HADHA: variants seen among roughly 807,000 people sequenced by gnomAD.
The protein encoded by HADHA is hydroxyacyl-CoA dehydrogenase trifunctional multienzyme complex subunit alpha.
In HADHA, 59 loss-of-function variants were observed where a neutral mutation model predicts 91.3. The observed-to-expected ratio is 0.65, with a 90% CI of 0.52 to 0.80. The LOEUF is 0.80. Ranked by LOEUF, HADHA falls within the 30% of genes least tolerant of loss-of-function variation. HADHA has a pLI of 0.00. For synonymous variants in HADHA, 320 were observed against 338.9 expected, an observed-to-expected ratio of 0.94 and a Z score of 0.61; for missense variants, 800 against 927.6, an observed-to-expected ratio of 0.86 and a Z score of 1.79.
At chr2:26,203,929 A>G (rs1669914063) in intron 12 of HADHA, 133 bp downstream of exon 12, 2 of 896,458 alleles carry the variant, frequency 2.2e-6, no homozygotes, top group Non-Finnish European at 3.7e-6. Context: ...TCTAGAACTC[A>G]TTATGTTCAG....
chr2:26,193,377 C>G (rs981258738), intron 17 of HADHA, among the ~76,000 whole-genome samples, 200 bp downstream of exon 17: 2 of 151,414 alleles, frequency 1.3e-5, no homozygotes, highest in Admixed American at 6.6e-5. Context: ...GATCCTCCCA[C>G]CTCAGCCTCC....
intron 14 of HADHA, among the ~76,000 whole-genome samples, chr2:26,197,276 A>G (rs1422192142): frequency 6.6e-6 from 1 of 152,174 alleles, no homozygotes; most frequent in South Asian, 2.1e-4. Context: ...AGAAGGTGTA[A>G]GCAAACCCAC....
intron 10 of HADHA, among the ~76,000 whole-genome samples, chr2:26,211,342 T>C (rs1670095757): frequency 6.6e-6 from 1 of 152,174 alleles, no homozygotes; most frequent in Non-Finnish European, 1.5e-5. Context: ...TTCAGATTTT[T>C]TTTTTTGTCC....
At chr2:26,193,552 G>T (rs766984282) in intron 17 of HADHA, 25 bp downstream of exon 17, 3 of 1,574,544 alleles carry the variant, frequency 1.9e-6, no homozygotes, top group Non-Finnish European at 2.6e-6. Context: ...AATGGTGCTA[G>T]TTATGTTTCC....
At position 26,190,842 on chromosome 2, in the gene HADHA, G is replaced by A; in HGVS notation, c.*408C>T. 3.5e-6 allele frequency: 1 copy of A among 285,098 alleles called. No homozygotes were observed. The highest frequency in any genetic ancestry group is 4.1e-5 in the South Asian group (1 of 24,614). 17.7% of individuals were successfully genotyped at this position (285,098 alleles called of 1,614,324 possible). ...CTTTCTTCCAGATTGCTTTTTGAAG[G>A]AGGCGTTTAAACCAGAAGGGCAAAG... On this transcript the variant is annotated 3_prime_UTR_variant, in exon 20 of 20. Coordinates refer to ENST00000380649, the MANE Select transcript of HADHA (RefSeq NM_000182.5).
chr2:26,241,977 C>T (rs962229631), intron 1 of HADHA, among the ~76,000 whole-genome samples: 13 of 151,858 alleles, frequency 8.6e-5, no homozygotes, highest in Non-Finnish European at 1.9e-4. Flanking sequence ...TCTTGGCTCA[C>T]TGCAACCTCC....
chr2:26,191,379 C>T lies in HADHA; in HGVS notation c.2163G>A (p.Val721=). ...CTATCTTCTGGGCGCCATACAGATC[C>T]ACAAAGCGGAAAGGCCCTGAATAGA... is the stretch of plus-strand genomic sequence containing the variant. ...PPCLGGPFRF[V]DLYGAQKIVD... is the part of the protein sequence containing the mutation. Residue 721 remains valine, a synonymous_variant, in exon 20 of 20, where the codon GTG becomes GTA. Coordinates refer to ENST00000380649, the MANE Select transcript of HADHA (RefSeq NM_000182.5). 5 of 1,614,176 alleles carry T rather than the reference C, an allele frequency of 3.1e-6. No homozygotes were observed. The highest frequency in any genetic ancestry group is 4.2e-6 in the Non-Finnish European group (5 of 1,180,032).
At chr2:26,217,993 G>A (rs1670280405) in intron 7 of HADHA, among the ~76,000 whole-genome samples, 1 of 152,234 alleles carries the variant, frequency 6.6e-6, no homozygotes, top group Non-Finnish European at 1.5e-5. Context: ...ACACAATGGA[G>A]ACATTTATAA....
chr2:26,218,762 C>T lies in HADHA; in HGVS notation c.677-3587G>A, dbSNP rs141099873. Among the ~76,000 whole-genome samples the T allele has an allele frequency of 9.7e-4, 147 of 152,078 alleles. 1 individual carries two copies. The highest frequency in any genetic ancestry group is 3.4e-3 in the African/African-American group (142 of 41,518). ...GGTGGCTCACACCTGTAATCCAGCA[C>T]TTTGGGAGGCCAAGGCAGGCAGATC... On this transcript the variant is annotated intron_variant, in intron 7 of 19. Coordinates refer to ENST00000380649, the MANE Select transcript of HADHA (RefSeq NM_000182.5).
chr2:26,194,292 G>A (rs1324058842), intron 16 of HADHA, among the ~76,000 whole-genome samples: 1 of 152,172 alleles, frequency 6.6e-6, no homozygotes, highest in Non-Finnish European at 1.5e-5. Context: ...CCTCAGAGAG[G>A]TGCAGAAACA....
At chr2:26,205,430 T>C (rs1669947614) in intron 11 of HADHA, among the ~76,000 whole-genome samples, 1 of 151,926 alleles carries the variant, frequency 6.6e-6, no homozygotes, top group Non-Finnish European at 1.5e-5. Context: ...ATATGGTGAG[T>C]GATAAGTAAT....
chr2:26,203,916 G>C, intron 12 of HADHA, 146 bp downstream of exon 12: 1 of 798,020 alleles, frequency 1.3e-6, no homozygotes, highest in Non-Finnish European at 2.1e-6. Flanking sequence ...TCACTACGGA[G>C]TATCTAGAAC....
At position 26,210,415 on chromosome 2, in the gene HADHA, G is replaced by A. The variant is rs559665197; in HGVS notation, c.976-526C>T. On this transcript the variant is annotated intron_variant, in intron 10 of 19. Coordinates refer to ENST00000380649, the MANE Select transcript of HADHA (RefSeq NM_000182.5). The surrounding 1 kb of genome is among the most constrained non-coding windows in gnomAD (Gnocchi z 4.0). Reference sequence around the variant, plus strand: ...GGCTGGAGTGCAGTGGCACGATCTCGGCTCACTGCAAGCTCCGCCTCCCAG... The same window carrying A: ...GGCTGGAGTGCAGTGGCACGATCTCAGCTCACTGCAAGCTCCGCCTCCCAG... 3.1e-5 allele frequency: 5 copies of A among 162,906 alleles called. No homozygotes were observed. In the East Asian group the frequency reaches 7.1e-4, roughly 23 times the overall value. 10.1% of individuals were successfully genotyped at this position (162,906 alleles called of 1,614,324 possible).
rs921898736 is a variant in HADHA at position 26,193,707 on chromosome 2, G to A, written c.1755C>T (p.Ala585=). The change falls in exon 17 of 20, where the codon GCC becomes GCT. Residue 585 remains alanine (A), a synonymous_variant. Coordinates refer to ENST00000380649, the MANE Select transcript of HADHA (RefSeq NM_000182.5). ...CCACACCAACTTCATCCACCAGTGTGGCGGCACCCACAGGAAAGCCAAAGC... is the reference window on the plus strand; with the variant it reads ...CCACACCAACTTCATCCACCAGTGTAGCGGCACCCACAGGAAAGCCAAAGC... ...TTSFGFPVGA[A]TLVDEVGVDV... The A allele has an allele frequency of 2.5e-6, 4 of 1,613,952 alleles. No homozygotes were observed. Among genetic ancestry groups the A allele is most frequent in the Non-Finnish European group, 3.4e-6 (4 of 1,179,954 alleles).
Position 26,193,737 on chromosome 2 carries a change from G to C in HADHA, c.1725C>G (p.Thr575=), listed in dbSNP as rs1669580370. 6.2e-7 allele frequency: 1 copy of C among 1,614,006 alleles called. No individual in the cohort carries two copies. The highest frequency in any genetic ancestry group is 8.5e-7 in the Non-Finnish European group (1 of 1,180,014). Residue 575 remains threonine, a synonymous_variant, in exon 17 of 20, where the codon ACC becomes ACG. Coordinates refer to ENST00000380649, the MANE Select transcript of HADHA (RefSeq NM_000182.5). ...CACCCACAGGAAAGCCAAAGCTTGT[G>C]GTCAGGGAATCCAGCTTCTTCGGGT... ...GVDPKKLDSL[T]TSFGFPVGAA...
Position 26,236,853 on chromosome 2 carries a change from A to C in HADHA, c.314+2T>G, listed in dbSNP as rs934411514. On this transcript the variant is annotated splice_donor_variant, in intron 4 of 19. Coordinates refer to ENST00000380649, the MANE Select transcript of HADHA (RefSeq NM_000182.5). LOFTEE classifies it high-confidence loss of function. ...GGTGACTTCAAGTTTCCTAAAACTT[A>C]CTTGATATCAGCACCTGCAATAAAG... 4 of 1,609,916 alleles carry C rather than the reference A, an allele frequency of 2.5e-6. No homozygotes were observed. Among genetic ancestry groups the C allele is most frequent in the Non-Finnish European group, 2.5e-6 (3 of 1,177,548 alleles).
At chr2:26,217,126 T>C (rs7579504) in intron 7 of HADHA, among the ~76,000 whole-genome samples, 124,967 of 151,868 alleles carry the variant, frequency 0.82, 51,742 homozygotes, top group African/African-American at 0.93. Flanking sequence ...GAGACTGAGG[T>C]GAGAGGATCA....
rs200438844 is a variant in HADHA at position 26,191,522 on chromosome 2, C to T, written c.2107G>A (p.Gly703Arg). The change falls in exon 19 of 20, where the codon GGA becomes AGA. Residue 703 changes from glycine (G) to arginine (R), a missense_variant. By Grantham distance (125) the Gly-to-Arg change is moderately radical (BLOSUM62 -2). Transcript: ENST00000380649. Reference sequence around the variant, plus strand: ...GGGAAGCCAAGCCCAAAGACGGCTCCGATGTCTCCCTCTGCAGGTGTGGCC... The same window carrying T: ...GGGAAGCCAAGCCCAAAGACGGCTCTGATGTCTCCCTCTGCAGGTGTGGCC... ...ILATPAEGDI[G>R]AVFGLGFPPC... 11 of 1,614,150 alleles carry T rather than the reference C, an allele frequency of 6.8e-6. No homozygotes were observed. Among genetic ancestry groups the T allele is most frequent in the East Asian group, 6.7e-5 (3 of 44,866 alleles).
intron 14 of HADHA, among the ~76,000 whole-genome samples, chr2:26,196,250 T>G (rs1375143567): frequency 3.9e-5 from 6 of 152,356 alleles, no homozygotes; most frequent in Admixed American, 3.3e-4. Context: ...AATGCCATTA[T>G]GTAATACACA....
Sources: allele counts gnomAD v4.1 joint callset (sites outside exome capture counted in the v4.1 genomes callset), GRCh38; gene constraint gnomAD v4.1.1; non-coding constraint Gnocchi (gnomAD v3.1); transcripts MANE v1.5; gene names NCBI Gene and HGNC (gene_info 2026-07-23, HGNC 2026-07-21).